Variants in MIB1 observed in about 807,000 individuals in gnomAD.
MIB1 encodes the protein MIB E3 ubiquitin protein ligase 1.
MIB1 carries 278 observed loss-of-function variants against 124.5 expected under a neutral mutation model. The observed-to-expected ratio is 2.23, with a 90% confidence interval of 2.02 to 2.47. MIB1 has a LOEUF of 2.47. Among genes scored for constraint, MIB1 ranks in the 30% most tolerant of loss-of-function variants. MIB1 has a pLI of 0.00. For missense variants in MIB1, 957 were observed against 1,254.4 expected, an observed-to-expected ratio of 0.76 and a Z score of 3.58; for synonymous variants, 446 against 429.4, an observed-to-expected ratio of 1.04 and a Z score of -0.48.
chr18:21,766,729 A>G (rs1025832425), intron 2 of MIB1, among the ~76,000 whole-genome samples: 2 of 152,056 alleles, frequency 1.3e-5, no homozygotes, highest in African/African-American at 4.8e-5. Flanking sequence ...AAATTAAGGA[A>G]TAATAAAGAC....
chr18:21,723,774 A>G (rs2040725534), intron 1 of MIB1, among the ~76,000 whole-genome samples: 1 of 152,206 alleles, frequency 6.6e-6, no homozygotes, highest in Non-Finnish European at 1.5e-5. Flanking sequence ...TCAGCCTCCC[A>G]AAGTGTTGGG....
chr18:21,779,110 T>C (rs1387725919), intron 5 of MIB1, among the ~76,000 whole-genome samples: 1 of 152,166 alleles, frequency 6.6e-6, no homozygotes, highest in Non-Finnish European at 1.5e-5. Context: ...AGGGCTTTCA[T>C]TCATATTCTC....
intron 4 of MIB1, among the ~76,000 whole-genome samples, chr18:21,774,333 A>G (rs1160824981): frequency 6.6e-6 from 1 of 152,206 alleles, no homozygotes; most frequent in Non-Finnish European, 1.5e-5. Flanking sequence ...TCACGCCTGT[A>G]ATCCCAGCAC....
At chr18:21,835,608 A>T (rs2042019703) in intron 12 of MIB1, among the ~76,000 whole-genome samples, 1 of 151,756 alleles carries the variant, frequency 6.6e-6, no homozygotes, top group African/African-American at 2.4e-5. Context: ...TCTACTAAAA[A>T]TACACATAAA....
intron 1 of MIB1, among the ~76,000 whole-genome samples, chr18:21,743,815 TGATTTTTGAAGG>T (rs1353203340): frequency 6.6e-6 from 1 of 152,178 alleles, no homozygotes; most frequent in Non-Finnish European, 1.5e-5. Context: ...TTTACTACGG[TGATTTTTGAAGG>T]GACATTAATG....
At chr18:21,816,740 T>A (rs1317137461) in intron 11 of MIB1, among the ~76,000 whole-genome samples, 1 of 152,170 alleles carries the variant, frequency 6.6e-6, no homozygotes, top group East Asian at 1.9e-4. Flanking sequence ...GTAGTGGGAA[T>A]GAGGGCTTGA....
chr18:21,713,113 A>G (rs1027707806), intron 1 of MIB1, among the ~76,000 whole-genome samples: 1 of 151,960 alleles, frequency 6.6e-6, no homozygotes, highest in Non-Finnish European at 1.5e-5. Flanking sequence ...GTGCATTACC[A>G]TGCCCAGCTT....
rs749258036 is a variant in MIB1, at chr18:21,838,375, G to A, written c.1840G>A (p.Val614Ile). 2 of 1,595,620 alleles carry A rather than the reference G, an allele frequency of 1.3e-6. No homozygotes were observed. The highest frequency in any genetic ancestry group is 2.3e-5 in the South Asian group (2 of 87,154). Residue 614 changes from valine to isoleucine, a missense_variant, in exon 13 of 21, where the codon GTT (valine) becomes ATT (isoleucine). By Grantham distance (29) the Val-to-Ile change is conservative (BLOSUM62 3). Transcript: ENST00000261537. ...GAATTTAACTTTCAGTGCAATGCGTGTTTTACTATCTAAATTACCAAGACC... is the reference window on the plus strand; with the variant it reads ...GAATTTAACTTTCAGTGCAATGCGTATTTTACTATCTAAATTACCAAGACC... Reference protein sequence around the residue: ...ALRGNPSAMRVLLSKLPRPWI... With the variant: ...ALRGNPSAMRILLSKLPRPWI...
At chr18:21,770,217 G>A (rs1598601787) in intron 3 of MIB1, among the ~76,000 whole-genome samples, 1 of 152,076 alleles carries the variant, frequency 6.6e-6, no homozygotes, top group South Asian at 2.1e-4. Flanking sequence ...ACAGACAAAC[G>A]AAAAGAACAA....
intron 1 of MIB1, among the ~76,000 whole-genome samples, chr18:21,764,512 A>G (rs950229582): frequency 6.6e-6 from 1 of 152,156 alleles, no homozygotes; most frequent in African/African-American, 2.4e-5. Context: ...ACGTTGTCTC[A>G]CCTTTAAAGA....
chr18:21,814,698 C>T (rs1446060115), intron 10 of MIB1, among the ~76,000 whole-genome samples: 1 of 151,816 alleles, frequency 6.6e-6, no homozygotes. Flanking sequence ...CTCAGCCTCC[C>T]GGGTAGCTGG....
chr18:21,801,057 A>G (rs1004801243), intron 9 of MIB1, among the ~76,000 whole-genome samples: 1 of 152,142 alleles, frequency 6.6e-6, no homozygotes, highest in East Asian at 1.9e-4. Flanking sequence ...ATACAGTTCT[A>G]TAAGATTTGT....
chr18:21,720,851 A>ATCTC (rs2040711250), intron 1 of MIB1, among the ~76,000 whole-genome samples: 1 of 152,164 alleles, frequency 6.6e-6, no homozygotes, highest in Non-Finnish European at 1.5e-5. Flanking sequence ...GCTACTTGAG[A>ATCTC]GGCTGAGGCA....
chr18:21,844,033 T>C lies in MIB1; in HGVS notation c.2050-59T>C, dbSNP rs2042113821. 16 of 1,539,428 alleles carry C rather than the reference T, an allele frequency of 1.0e-5. No homozygotes were observed. In the South Asian group the frequency reaches 1.6e-4, roughly 15 times the overall value. ...GGTGTTCTCACCATTACTTTAGATATGTTGAAGTTTCTTATGGATGTGGAC... is the reference window on the plus strand; with the variant it reads ...GGTGTTCTCACCATTACTTTAGATACGTTGAAGTTTCTTATGGATGTGGAC... On this transcript the variant is annotated intron_variant, in intron 14 of 20. Coordinates refer to ENST00000261537, the MANE Select transcript of MIB1 (RefSeq NM_020774.4).
chr18:21,846,335 G>A (rs1250159734), intron 15 of MIB1, among the ~76,000 whole-genome samples: 1 of 152,078 alleles, frequency 6.6e-6, no homozygotes, highest in Admixed American at 6.5e-5. Context: ...TAAGGTTGTT[G>A]TAAAGATCAT....
At chr18:21,807,347 A>C (rs1237284333) in intron 10 of MIB1, among the ~76,000 whole-genome samples, 4 of 152,098 alleles carry the variant, frequency 2.6e-5, no homozygotes. Flanking sequence ...TGGGAGAATC[A>C]CCTGAGCCCA....
chr18:21,719,088 C>T lies in MIB1; in HGVS notation n.167+13965C>T, dbSNP rs187591315. ...CTGTAATCCCAGCTACTTGGGAGGC[C>T]GAGGCAGGAGAATCGTTTGAACCCA... On this transcript the variant is annotated intron_variant and non_coding_transcript_variant, in intron 1 of 20. Coordinates refer to the MIB1 transcript ENST00000578646. Among the ~76,000 whole-genome samples the T allele has an allele frequency of 4.2e-3, 637 of 151,410 alleles. 8 individuals are homozygous for T. The highest frequency in any genetic ancestry group is 3.3e-3 in the Non-Finnish European group (223 of 67,894).
At chr18:21,767,128 C>T (rs1005553834) in intron 2 of MIB1, among the ~76,000 whole-genome samples, 44 of 152,026 alleles carry the variant, frequency 2.9e-4, no homozygotes, top group African/African-American at 8.2e-4. Context: ...TGTATTTTAC[C>T]GATACATACA....
chr18:21,789,286 T>C (rs2060945075), intron 6 of MIB1, among the ~76,000 whole-genome samples: 1 of 152,078 alleles, frequency 6.6e-6, no homozygotes, highest in Non-Finnish European at 1.5e-5. Flanking sequence ...TTTTTCCCTG[T>C]GAGTCTGTGT....
Sources: gnomAD v4.1 joint callset for allele counts (sites outside exome capture counted in the v4.1 genomes callset) on GRCh38, gnomAD v4.1.1 for gene constraint, MANE v1.5 for transcripts, NCBI Gene and HGNC (gene_info 2026-07-23, HGNC 2026-07-21) for gene names.